Variants in RTN4IP1 observed in about 807,000 individuals in gnomAD.
RTN4IP1 encodes the protein reticulon 4 interacting protein 1, also known as NAD(P)H oxidoreductase RTN4IP1, mitochondrial.
RTN4IP1 carries 32 observed loss-of-function variants against 46.6 expected under a neutral mutation model. The observed-to-expected ratio is 0.69, with a 90% CI of 0.52 to 0.92. RTN4IP1 has a LOEUF of 0.92. RTN4IP1 is among the 40% of genes least tolerant of loss of function. The pLI, the probability that RTN4IP1 is intolerant of heterozygous loss-of-function variation, is 0.00. For synonymous variants in RTN4IP1, 167 were observed against 161.8 expected, an observed-to-expected ratio of 1.03 and a Z score of -0.24; for missense variants, 424 against 485.8, an observed-to-expected ratio of 0.87 and a Z score of 1.20.
Position 106,609,573 on chromosome 6 carries a change from G to GCAA in RTN4IP1, c.621-6654_621-6652dup, listed in dbSNP as rs770876496. Among the ~76,000 whole-genome samples, 5 of 152,150 alleles carry GCAA rather than the reference G, an allele frequency of 3.3e-5. No homozygotes were observed. The East Asian group carries it at 7.7e-4, about 24-fold the overall frequency. On this transcript the variant is annotated intron_variant, in intron 4 of 8. Transcript: ENST00000369063. Reference sequence around the variant, plus strand: ...ATCACCATTATGTCCTACAATCAAGGCAACAACTGCTACTACCTCAAGTGA... The same window carrying GCAA: ...ATCACCATTATGTCCTACAATCAAGGCAACAACAACTGCTACTACCTCAAGTGA...
At chr6:106,576,196 G>A (rs565440618) in intron 8 of RTN4IP1, among the ~76,000 whole-genome samples, 13 of 152,268 alleles carry the variant, frequency 8.5e-5, no homozygotes, top group Admixed American at 3.3e-4. Flanking sequence ...GCTGTTTCTC[G>A]GAAACTTCCT....
chr6:106,611,401 T>C (rs1366896067), intron 4 of RTN4IP1, among the ~76,000 whole-genome samples: 2 of 152,176 alleles, frequency 1.3e-5, no homozygotes, highest in African/African-American at 4.8e-5. Flanking sequence ...CATTATAAGA[T>C]TAGAGTGTCA....
At chr6:106,581,115 A>T (rs1475178677) in intron 8 of RTN4IP1, among the ~76,000 whole-genome samples, 2 of 152,166 alleles carry the variant, frequency 1.3e-5, no homozygotes, top group East Asian at 3.8e-4. Context: ...AACTAGTAAT[A>T]TTGGTTGCAT....
intron 4 of RTN4IP1, among the ~76,000 whole-genome samples, chr6:106,613,240 G>C (rs766615079): frequency 1.3e-5 from 2 of 151,950 alleles, no homozygotes; most frequent in African/African-American, 2.4e-5. Flanking sequence ...TCACTTCTGT[G>C]TAAAGTTAAG....
In RTN4IP1 at chr6:106,611,379, T is replaced by TG. The variant is rs1776220842; in HGVS notation, c.620+7822dup. Among the ~76,000 whole-genome samples, 3 of 152,236 alleles carry TG rather than the reference T, an allele frequency of 2.0e-5. No homozygotes were observed. In the South Asian group the frequency reaches 6.2e-4, roughly 32 times the overall value. ...CTTCAAAATTGCCCCAGATTTATAG[T>TG]GAAAAAAGCCACATTATAAGATTAG... On this transcript the variant is annotated intron_variant, in intron 4 of 8. Transcript: ENST00000369063.
chr6:106,600,322 T>TA (rs753714034), intron 5 of RTN4IP1, among the ~76,000 whole-genome samples: 4 of 152,200 alleles, frequency 2.6e-5, no homozygotes, highest in Non-Finnish European at 5.9e-5. Context: ...GCCAGTCAGT[T>TA]ACACATCTGA....
intron 8 of RTN4IP1, among the ~76,000 whole-genome samples, chr6:106,574,707 G>T (rs1310251870): frequency 6.6e-6 from 1 of 152,136 alleles, no homozygotes; most frequent in East Asian, 1.9e-4. Context: ...CTTATTCCTG[G>T]AATCCCTAAC....
intron 4 of RTN4IP1, among the ~76,000 whole-genome samples, chr6:106,614,518 C>T (rs1257833889): frequency 6.6e-6 from 1 of 151,794 alleles, no homozygotes. Context: ...CCCTGGGAAA[C>T]AAAAAGGAAG....
intron 4 of RTN4IP1, among the ~76,000 whole-genome samples, chr6:106,609,118 A>G (rs1045472175): frequency 2.6e-5 from 4 of 152,190 alleles, no homozygotes; most frequent in African/African-American, 9.7e-5. Flanking sequence ...CCCTTAACAT[A>G]GCCTGGAACC....
intron 4 of RTN4IP1, among the ~76,000 whole-genome samples, chr6:106,603,196 G>A (rs1349960390): frequency 6.6e-6 from 1 of 152,100 alleles, no homozygotes; most frequent in African/African-American, 2.4e-5. Flanking sequence ...TAGCTCAGAT[G>A]GTCCTTTGTA....
Position 106,629,016 on chromosome 6 carries a change from T to C in RTN4IP1, c.6A>G (p.Glu2=), listed in dbSNP as rs779838599. 6.2e-7 allele frequency: 1 copy of C among 1,609,926 alleles called. No homozygotes were observed. Among genetic ancestry groups the C allele is most frequent in the Admixed American group, 1.7e-5 (1 of 59,810 alleles). The change falls in exon 1 of 9, where the codon GAA becomes GAG. Residue 2 remains glutamate, a synonymous_variant. Coordinates refer to ENST00000369063, the MANE Select transcript of RTN4IP1 (RefSeq NM_032730.5). ...TTCTAAGTACACAAGTCTTCAGAAA[T>C]TCCATTGTAAACACTGGTTGAACTG... M[E]FLKTCVLRRN...
At chr6:106,607,189 G>T (rs1191402920) in intron 4 of RTN4IP1, among the ~76,000 whole-genome samples, 1 of 152,078 alleles carries the variant, frequency 6.6e-6, no homozygotes, top group Non-Finnish European at 1.5e-5. Flanking sequence ...GGGAAAATTG[G>T]ATATCCATAT....
At chr6:106,585,820 C>T (rs899879750) in intron 7 of RTN4IP1, among the ~76,000 whole-genome samples, 1 of 152,220 alleles carries the variant, frequency 6.6e-6, no homozygotes, top group Admixed American at 6.5e-5. Context: ...GCCTGTTTTA[C>T]TCTCCGAGGA....
At chr6:106,583,881 A>G (rs778607274) in intron 7 of RTN4IP1, among the ~76,000 whole-genome samples, 2 of 152,240 alleles carry the variant, frequency 1.3e-5, no homozygotes, top group Non-Finnish European at 2.9e-5. Flanking sequence ...TTAGACAAGA[A>G]GCCCAATCAC....
At chr6:106,599,622 A>G (rs1327984040) in intron 5 of RTN4IP1, among the ~76,000 whole-genome samples, 1 of 151,994 alleles carries the variant, frequency 6.6e-6, no homozygotes, top group Admixed American at 6.6e-5. Context: ...ACTGTGTGCA[A>G]TTATAGTTTT....
chr6:106,597,786 C>T (rs942377364), intron 5 of RTN4IP1, among the ~76,000 whole-genome samples: 2 of 151,162 alleles, frequency 1.3e-5, no homozygotes, highest in African/African-American at 4.9e-5. Flanking sequence ...TTCTGGTGCG[C>T]TGCACCCACT....
Position 106,587,724 on chromosome 6 carries a change from A to G in RTN4IP1, c.945T>C (p.Asp315=). The G allele has an allele frequency of 1.2e-6, 2 of 1,613,630 alleles. No individual in the cohort carries two copies. The highest frequency in any genetic ancestry group is 8.5e-7 in the Non-Finnish European group (1 of 1,179,960). ...CAGTGACTCCTGTCTGCAACATGCCATCTGCTATGCCCAATCGGTCCATGT... is the reference window on the plus strand; with the variant it reads ...CAGTGACTCCTGTCTGCAACATGCCGTCTGCTATGCCCAATCGGTCCATGT... ...LLNMDRLGIA[D]GMLQTGVTVG... is the part of the protein sequence containing the mutation. Residue 315 remains aspartate (D), a synonymous_variant, in exon 7 of 9, where the codon GAT becomes GAC. Coordinates refer to ENST00000369063, the MANE Select transcript of RTN4IP1 (RefSeq NM_032730.5).
chr6:106,579,936 C>A (rs974515969), intron 8 of RTN4IP1, among the ~76,000 whole-genome samples: 1 of 151,712 alleles, frequency 6.6e-6, no homozygotes, highest in Non-Finnish European at 1.5e-5. Context: ...TAGTTTAGGC[C>A]GGGCGCAGTG....
chr6:106,605,816 CA>C (rs60568175), intron 4 of RTN4IP1, among the ~76,000 whole-genome samples: 110 of 4,484 alleles, frequency 0.025, 7 homozygotes, highest in African/African-American at 0.058. Context: ...GACTCTGTCC[CA>C]AAAAAAAAAA....
Sources: allele counts gnomAD v4.1 joint callset (sites outside exome capture counted in the v4.1 genomes callset), GRCh38; gene constraint gnomAD v4.1.1; transcripts MANE v1.5; gene names NCBI Gene and HGNC (gene_info 2026-07-23, HGNC 2026-07-21).